Variants in MAP3K20 observed in about 807,000 individuals in gnomAD.
MAP3K20 encodes mitogen-activated protein kinase kinase kinase 20, also known as HCCS-4.
In MAP3K20, 40 loss-of-function variants were observed where a neutral mutation model predicts 85.7. The observed-to-expected ratio is 0.47, with a 90% confidence interval of 0.36 to 0.61. MAP3K20 has a LOEUF of 0.61. Among genes scored for constraint, MAP3K20 ranks in the 20% least tolerant of loss-of-function variants. The probability of loss-of-function intolerance (pLI) is 0.00; values close to 1 mark genes in which losing one functional copy is unlikely to be tolerated. For synonymous variants in MAP3K20, 325 were observed against 327.7 expected (o/e 0.99, Z 0.09); for missense variants, 817 against 961.7 (o/e 0.85, Z 1.99).
chr2:173,160,428 T>C (rs1215975230), intron 2 of MAP3K20: 2 of 152,160 alleles, frequency 1.3e-5, no homozygotes, highest in Middle Eastern at 3.2e-3. Flanking sequence ...AGTTTTTTAT[T>C]TTTATTTAAA....
chr2:173,209,441 G>C (rs895430542), intron 9 of MAP3K20, among the ~76,000 whole-genome samples: 10 of 152,138 alleles, frequency 6.6e-5, no homozygotes, highest in African/African-American at 2.4e-4. Flanking sequence ...GAGAGAATTA[G>C]TTTTCTCCCT....
intron 11 of MAP3K20, among the ~76,000 whole-genome samples, chr2:173,219,060 G>A (rs1684159255): frequency 6.6e-6 from 1 of 152,086 alleles, no homozygotes; most frequent in Non-Finnish European, 1.5e-5. Context: ...TGTGTCTTCT[G>A]CTTAGAGCTG....
intron 8 of MAP3K20, among the ~76,000 whole-genome samples, chr2:173,202,807 T>C (rs936449089): frequency 2.0e-5 from 3 of 152,188 alleles, no homozygotes; most frequent in African/African-American, 7.2e-5. Context: ...GTTGTTGTTA[T>C]GTCAGAAATC....
intron 2 of MAP3K20, among the ~76,000 whole-genome samples, chr2:173,123,689 A>G (rs1309280532): frequency 6.6e-6 from 1 of 152,136 alleles, no homozygotes; most frequent in African/African-American, 2.4e-5. Flanking sequence ...TTCAGGTCCC[A>G]TTCTTTTTTA....
chr2:173,223,972 T>G, intron 11 of MAP3K20: 4 of 985,426 alleles, frequency 4.1e-6, no homozygotes, highest in Non-Finnish European at 4.8e-6. Context: ...AGATAGTCAT[T>G]CATTCAACAC....
At chr2:173,238,568 G>T in intron 15 of MAP3K20, 133 bp downstream of exon 15, 1 of 782,700 alleles carries the variant, frequency 1.3e-6, no homozygotes, top group Non-Finnish European at 2.1e-6. Context: ...TCTAACAAAA[G>T]GCCCTTTGAA....
chr2:173,148,497 A>G (rs1180696240), intron 2 of MAP3K20, among the ~76,000 whole-genome samples: 2 of 152,178 alleles, frequency 1.3e-5, no homozygotes, highest in Admixed American at 6.5e-5. Flanking sequence ...TGTGAGTAGA[A>G]TGGGTCCTGG....
chr2:173,264,874 AAG>A (rs1305524679), intron 19 of MAP3K20, among the ~76,000 whole-genome samples: 6 of 152,154 alleles, frequency 3.9e-5, no homozygotes, highest in African/African-American at 1.4e-4. Context: ...GAAATGGAGA[AAG>A]AGGAAGGTAG....
chr2:173,247,674 G>A (rs1432328005), intron 16 of MAP3K20, among the ~76,000 whole-genome samples: 1 of 152,088 alleles, frequency 6.6e-6, no homozygotes, highest in African/African-American at 2.4e-5. Context: ...CTTAAAATTT[G>A]CAAATTTGAT....
chr2:173,241,661 T>C (rs1011625321), intron 16 of MAP3K20, among the ~76,000 whole-genome samples: 4 of 152,096 alleles, frequency 2.6e-5, no homozygotes, highest in Non-Finnish European at 5.9e-5. Flanking sequence ...ATACACCTAG[T>C]GTATACCCAA....
intron 2 of MAP3K20, among the ~76,000 whole-genome samples, chr2:173,130,187 T>C (rs890813201): frequency 1.3e-5 from 2 of 152,174 alleles, no homozygotes; most frequent in Non-Finnish European, 2.9e-5. Context: ...CATGAAACAT[T>C]TGAAACAACC....
chr2:173,213,277 G>A (rs1170708218), intron 10 of MAP3K20, among the ~76,000 whole-genome samples: 1 of 152,158 alleles, frequency 6.6e-6, no homozygotes, highest in East Asian at 1.9e-4. Flanking sequence ...GGGAAAAGGA[G>A]ATACAAGACA....
At chr2:173,191,248 CAG>C in intron 7 of MAP3K20, 71 bp downstream of exon 7, 1 of 1,577,000 alleles carries the variant, frequency 6.3e-7, no homozygotes, top group South Asian at 1.2e-5. Context: ...AAGAGAGATA[CAG>C]TTTAACATGG....
intron 1 of MAP3K20, among the ~76,000 whole-genome samples, chr2:173,087,121 T>A (rs1466798635): frequency 6.6e-6 from 1 of 152,230 alleles, no homozygotes; most frequent in Non-Finnish European, 1.5e-5. Context: ...TGCCTAACTG[T>A]GTACTTGGCT....
chr2:173,246,428 G>A (rs1418750196), intron 16 of MAP3K20, among the ~76,000 whole-genome samples: 1 of 152,140 alleles, frequency 6.6e-6, no homozygotes, highest in Non-Finnish European at 1.5e-5. Flanking sequence ...AATCTCAGGC[G>A]ACTTCATGCG....
At chr2:173,148,771 A>C (rs3769185) in intron 2 of MAP3K20, among the ~76,000 whole-genome samples, 1 of 151,998 alleles carries the variant, frequency 6.6e-6, no homozygotes, top group Non-Finnish European at 1.5e-5. Context: ...ACTGAATTTC[A>C]TGGTTTGCCA....
In MAP3K20 at chr2:173,268,004, T is replaced by C. The variant is rs546008368; in HGVS notation, c.*1254T>C. The C allele has an allele frequency of 9.9e-5, 15 of 152,218 alleles. No individual in the cohort carries two copies. The highest frequency in any genetic ancestry group is 1.8e-4 in the Non-Finnish European group (12 of 68,034). The allele number at this position is 152,218 out of a possible 1,614,324, so 9.4% of individuals were successfully genotyped here. On this transcript the variant is annotated 3_prime_UTR_variant, in exon 20 of 20. Transcript: ENST00000375213. ...TATGTCAAATCAATAAATGTTACTT[T>C]CAATATTCTGAGATTCTGTTCAGCA...
intron 14 of MAP3K20, among the ~76,000 whole-genome samples, chr2:173,235,586 G>T (rs568721919): frequency 6.6e-6 from 1 of 152,304 alleles, no homozygotes; most frequent in Admixed American, 6.5e-5. Flanking sequence ...AGGAGGCAAG[G>T]GTTCTTGACT....
chr2:173,080,900 C>G (rs1347357869), intron 1 of MAP3K20, among the ~76,000 whole-genome samples: 1 of 152,082 alleles, frequency 6.6e-6, no homozygotes, highest in Admixed American at 6.6e-5. Flanking sequence ...CTCCAGGCTT[C>G]CATTTAAGAA....
Sources: gnomAD v4.1 joint callset for allele counts (sites outside exome capture counted in the v4.1 genomes callset) on GRCh38, gnomAD v4.1.1 for gene constraint, MANE v1.5 for transcripts, NCBI Gene and HGNC (gene_info 2026-07-23, HGNC 2026-07-21) for gene names.